Variants in ITGAM observed in about 807,000 individuals in gnomAD.
ITGAM encodes the protein integrin alpha-M.
In ITGAM, 79 loss-of-function variants were observed where a neutral mutation model predicts 137.5. The observed-to-expected ratio is 0.57, with a 90% CI of 0.48 to 0.69. The LOEUF is 0.69. ITGAM is among the 30% of genes least tolerant of loss of function. ITGAM has a pLI of 0.00. For synonymous variants in ITGAM, 583 were observed against 592.3 expected (o/e 0.98, Z 0.23); for missense variants, 1,343 against 1,483.5 (o/e 0.91, Z 1.56).
chr16:31,324,528 G>C lies in ITGAM; in HGVS notation c.2132G>C (p.Cys711Ser), dbSNP rs1213908508. The change falls in exon 17 of 30, where the codon TGT (cysteine) becomes TCT (serine). Residue 711 changes from cysteine to serine, a missense_variant. Transcript: ENST00000544665. This position sits in a 1 kb window ranked among gnomAD's most constrained non-coding sequence, Gnocchi z 4.5. ...CAGGTCTTGGGGCTGACCCAGACTT[G>C]TGAGACCCTGAAACTACAGTTGCCG... is the stretch of plus-strand genomic sequence containing the variant. The part of the protein sequence containing the change: ...QTQVLGLTQT[C>S]ETLKLQLPNC... 1 of 1,608,786 alleles carries C rather than the reference G, an allele frequency of 6.2e-7. No homozygotes were observed.
intron 12 of ITGAM, 129 bp from the exon 13 acceptor site, chr16:31,297,385 A>G (rs1191991723): frequency 5.8e-6 from 7 of 1,196,944 alleles, no homozygotes; most frequent in Non-Finnish European, 8.4e-6. Context: ...TTTATCATGA[A>G]CCATATAGAA....
chr16:31,297,950 G>T lies in ITGAM; in HGVS notation c.1703G>T (p.Ser568Ile). 6.2e-7 allele frequency: 1 copy of T among 1,612,952 alleles called. No individual in the cohort carries two copies. Residue 568 changes from serine (S) to isoleucine (I), a missense_variant, in exon 14 of 30, where the codon AGC becomes ATC. Transcript: ENST00000544665. ...GGATCTGGCATCAGCCCCTCCCATAGCCAGGTGAGACCTGGTCACTGTCCT... is the reference window on the plus strand; with the variant it reads ...GGATCTGGCATCAGCCCCTCCCATATCCAGGTGAGACCTGGTCACTGTCCT... ...TSGSGISPSH[S>I]QRIAGSKLSP... is the part of the protein sequence containing the mutation.
Position 31,265,776 on chromosome 16 carries a change from C to CA in ITGAM, c.239-34dup. 2.5e-6 allele frequency: 4 copies of CA among 1,594,368 alleles called. 1 individual carries two copies. The highest frequency in any genetic ancestry group is 1.8e-4 in the Middle Eastern group (1 of 5,692). On this transcript the variant is annotated intron_variant, in intron 3 of 29. Transcript: ENST00000544665. The stretch of plus-strand genomic sequence containing the variant: ...TCTTCCACAGCCTTCTCTGTCCCCC[C>CA]ACCAGGGTGACCATGCCCATATCTG...
intron 8 of ITGAM, chr16:31,273,802 C>T: frequency 3.6e-6 from 1 of 278,556 alleles, no homozygotes; most frequent in Non-Finnish European, 6.8e-6. Context: ...GGCTGCTCTG[C>T]TGATCTTGGC....
chr16:31,322,340 C>T (rs1194299978), intron 16 of ITGAM, among the ~76,000 whole-genome samples: 3 of 152,156 alleles, frequency 2.0e-5, no homozygotes, highest in Non-Finnish European at 4.4e-5. Flanking sequence ...GAGGAGATAG[C>T]ATTCCAGATA....
intron 14 of ITGAM, among the ~76,000 whole-genome samples, chr16:31,302,270 C>G (rs576434422): frequency 2.4e-4 from 37 of 152,314 alleles, no homozygotes; most frequent in Non-Finnish European, 4.0e-4. Flanking sequence ...CATCCTCAAT[C>G]AACCCAACTA....
chr16:31,272,019 G>A (rs1318974894), intron 7 of ITGAM, 27 bp downstream of exon 7: 1 of 1,613,502 alleles, frequency 6.2e-7, no homozygotes, highest in East Asian at 2.2e-5. Flanking sequence ...CCCTTAGGAT[G>A]GAGGGAGGAG....
chr16:31,326,798 A>C, intron 21 of ITGAM, 58 bp from the exon 22 acceptor site: 1 of 1,151,832 alleles, frequency 8.7e-7, no homozygotes, highest in South Asian at 1.2e-5. Flanking sequence ...GATGACGGGC[A>C]TTTGGGTTAT....
intron 14 of ITGAM, among the ~76,000 whole-genome samples, chr16:31,299,001 A>C (rs2080167847): frequency 6.6e-6 from 1 of 152,060 alleles, no homozygotes; most frequent in African/African-American, 2.4e-5. Flanking sequence ...TTCCCACCAT[A>C]GCCACCTGAG....
chr16:31,271,229 T>C, intron 6 of ITGAM, 145 bp downstream of exon 6: 1 of 597,786 alleles, frequency 1.7e-6, no homozygotes, highest in Non-Finnish European at 2.6e-6. Flanking sequence ...GAGTCTCTTT[T>C]CTGCTCTGTT....
chr16:31,297,168 A>AT (rs2080142732), intron 12 of ITGAM, among the ~76,000 whole-genome samples: 1 of 152,064 alleles, frequency 6.6e-6, no homozygotes, highest in Non-Finnish European at 1.5e-5. Flanking sequence ...AATTATTAAA[A>AT]AATATATATA....
intron 14 of ITGAM, among the ~76,000 whole-genome samples, chr16:31,299,790 CCCT>C (rs1178009184): frequency 8.8e-6 from 1 of 113,730 alleles, no homozygotes; most frequent in African/African-American, 4.1e-5. Context: ...CTCCGCCTCC[CCCT>C]CCTCCTCCTC....
chr16:31,262,333 T>TTCCC (rs2079710626), intron 2 of ITGAM, among the ~76,000 whole-genome samples: 3 of 76,288 alleles, frequency 3.9e-5, no homozygotes, highest in East Asian at 4.0e-4. Flanking sequence ...CTTCCCTCCC[T>TTCCC]TCCATCCTTC....
At chr16:31,276,231 G>C (rs2079904837) in intron 9 of ITGAM, among the ~76,000 whole-genome samples, 1 of 152,188 alleles carries the variant, frequency 6.6e-6, no homozygotes, top group African/African-American at 2.4e-5. Context: ...GACGTATGCT[G>C]TCCAGCTTGA....
In ITGAM at chr16:31,316,559, C is replaced by G. The variant is rs1205693616; in HGVS notation, c.1708-4682C>G. On this transcript the variant is annotated intron_variant, in intron 14 of 29. Coordinates refer to ENST00000544665, the MANE Select transcript of ITGAM (RefSeq NM_000632.4). The stretch of plus-strand genomic sequence containing the variant: ...ATGTCAGGTAGTGTGATACCTCTAC[C>G]TTTGTTGTTTATGCTCAAGATTGTC... 2.6e-5 allele frequency among the ~76,000 whole-genome samples: 4 copies of G among 151,982 alleles called. No individual in the cohort carries two copies. In the Middle Eastern group the frequency reaches 0.014, roughly 517 times the overall value.
intron 12 of ITGAM, among the ~76,000 whole-genome samples, chr16:31,296,215 C>T (rs2080131908): frequency 6.6e-6 from 1 of 151,158 alleles, no homozygotes. Context: ...CGCCATTCTC[C>T]TGCCTCAGCC....
chr16:31,315,839 C>T (rs1200416581), intron 14 of ITGAM, among the ~76,000 whole-genome samples: 2 of 152,058 alleles, frequency 1.3e-5, no homozygotes, highest in African/African-American at 4.8e-5. Context: ...GTGTTCTTAA[C>T]ACCATTTGTT....
chr16:31,282,842 T>C (rs1183992022), intron 12 of ITGAM, among the ~76,000 whole-genome samples: 1 of 152,238 alleles, frequency 6.6e-6, no homozygotes, highest in Non-Finnish European at 1.5e-5. Context: ...GGTATGTTTT[T>C]GCAGTGGCTG....
chr16:31,311,639 G>T (rs988745564), intron 14 of ITGAM, among the ~76,000 whole-genome samples: 2 of 152,168 alleles, frequency 1.3e-5, no homozygotes, highest in African/African-American at 4.8e-5. Flanking sequence ...GAAACAGCAG[G>T]TGTTGGAGAG....
Sources: gnomAD v4.1 joint callset for allele counts (sites outside exome capture counted in the v4.1 genomes callset) on GRCh38, gnomAD v4.1.1 for gene constraint, Gnocchi (gnomAD v3.1) non-coding constraint, MANE v1.5 for transcripts, NCBI Gene and HGNC (gene_info 2026-07-23, HGNC 2026-07-21) for gene names.